Variants in PGM5 observed in about 807,000 individuals in gnomAD.
The protein encoded by PGM5 is phosphoglucomutase-like protein 5.
In PGM5, 23 loss-of-function variants were observed where a neutral mutation model predicts 59.2. The observed-to-expected ratio is 0.39, with a 90% confidence interval of 0.28 to 0.55. The LOEUF is 0.55. PGM5 is among the 20% of genes least tolerant of loss of function. The pLI, the probability that PGM5 is intolerant of heterozygous loss-of-function variation, is 0.66. For missense variants in PGM5, 574 were observed against 748.3 expected, an observed-to-expected ratio of 0.77 and a Z score of 2.72; for synonymous variants, 214 against 286.0, an observed-to-expected ratio of 0.75 and a Z score of 2.54.
intron 9 of PGM5, among the ~76,000 whole-genome samples, chr9:68,485,858 T>G (rs1181105354): frequency 6.6e-6 from 1 of 152,202 alleles, no homozygotes; most frequent in Non-Finnish European, 1.5e-5. Flanking sequence ...TTTGCAGGTC[T>G]GGGTTTAGCT....
intron 6 of PGM5, among the ~76,000 whole-genome samples, chr9:68,455,088 G>A (rs1011810575): frequency 6.6e-6 from 1 of 152,162 alleles, no homozygotes; most frequent in Admixed American, 6.5e-5. Flanking sequence ...TCGTCTTCTC[G>A]GAACCATGCA....
chr9:68,456,905 C>T (rs1014567481), intron 6 of PGM5, among the ~76,000 whole-genome samples: 1 of 152,094 alleles, frequency 6.6e-6, no homozygotes, highest in African/African-American at 2.4e-5. Context: ...TGATTACAGG[C>T]GTGAGCCACT....
At chr9:68,357,948 C>T (rs1380345499) in intron 1 of PGM5, 1 of 163,472 alleles carries the variant, frequency 6.1e-6, no homozygotes, top group East Asian at 1.8e-4. Context: ...CACACACACA[C>T]ACACACACAC....
intron 6 of PGM5, chr9:68,393,879 G>C (rs1290620261): frequency 1.3e-5 from 2 of 152,024 alleles, no homozygotes; most frequent in African/African-American, 4.8e-5. Flanking sequence ...ATCAACAGGA[G>C]ATTGCAAAAA....
At chr9:68,502,941 G>A (rs568646629) in intron 10 of PGM5, among the ~76,000 whole-genome samples, 3 of 152,130 alleles carry the variant, frequency 2.0e-5, no homozygotes, top group East Asian at 1.9e-4. Context: ...CACCCGCCTC[G>A]GCCTCCCAAA....
chr9:68,494,728 C>T (rs570478241), intron 9 of PGM5, among the ~76,000 whole-genome samples: 4 of 152,326 alleles, frequency 2.6e-5, no homozygotes, highest in African/African-American at 4.8e-5. Flanking sequence ...CCAAAACTGG[C>T]CCTTGTCTTA....
chr9:68,407,881 G>C (rs1822851279), intron 6 of PGM5, among the ~76,000 whole-genome samples: 1 of 152,230 alleles, frequency 6.6e-6, no homozygotes, highest in African/African-American at 2.4e-5. Context: ...ACAGAGGAGA[G>C]ATTTGTGAAA....
At chr9:68,500,513 A>C (rs1208190415) in intron 10 of PGM5, among the ~76,000 whole-genome samples, 1 of 152,086 alleles carries the variant, frequency 6.6e-6, no homozygotes, top group Non-Finnish European at 1.5e-5. Context: ...GCAGGTGGCC[A>C]GCATGAAGCC....
At chr9:68,450,797 T>C (rs1383826855) in intron 6 of PGM5, among the ~76,000 whole-genome samples, 1 of 152,222 alleles carries the variant, frequency 6.6e-6, no homozygotes, top group East Asian at 1.9e-4. Context: ...AGTGCTGGGT[T>C]AGTGTGCTGG....
chr9:68,486,466 C>T (rs137916913), intron 9 of PGM5, among the ~76,000 whole-genome samples: 16 of 152,306 alleles, frequency 1.1e-4, no homozygotes, highest in East Asian at 9.6e-4. Flanking sequence ...CCCCTGGCAA[C>T]CCCTGATCTT....
chr9:68,457,269 C>T (rs1049189109), intron 6 of PGM5, among the ~76,000 whole-genome samples: 1 of 152,056 alleles, frequency 6.6e-6, no homozygotes, highest in African/African-American at 2.4e-5. Context: ...AATATTCTGC[C>T]CATTCTTTAT....
intron 6 of PGM5, among the ~76,000 whole-genome samples, chr9:68,418,068 G>C (rs78140182): frequency 0.059 from 8,983 of 152,280 alleles, 898 homozygotes; most frequent in African/African-American, 0.2. Flanking sequence ...AAGAGGCTGA[G>C]CTGCTTTGGG....
At chr9:68,368,331 C>T (rs1232007870) in intron 1 of PGM5, among the ~76,000 whole-genome samples, 6 of 151,206 alleles carry the variant, frequency 4.0e-5, no homozygotes, top group Admixed American at 6.6e-5. Context: ...CAGAAATCTA[C>T]CTTGTAAGAA....
At chr9:68,426,642 G>A (rs1183782191) in intron 6 of PGM5, among the ~76,000 whole-genome samples, 1 of 143,878 alleles carries the variant, frequency 7.0e-6, no homozygotes, top group Non-Finnish European at 1.5e-5. Flanking sequence ...CAATTTCTCT[G>A]GGACTAGTTC....
intron 9 of PGM5, among the ~76,000 whole-genome samples, chr9:68,487,961 G>A (rs1824324332): frequency 6.6e-6 from 1 of 152,106 alleles, no homozygotes; most frequent in Non-Finnish European, 1.5e-5. Context: ...CTGTGAAATA[G>A]GAATAATAAT....
chr9:68,460,250 T>G (rs1554685297), intron 6 of PGM5, among the ~76,000 whole-genome samples: 1 of 152,188 alleles, frequency 6.6e-6, no homozygotes, highest in East Asian at 1.9e-4. Context: ...TCATACATAA[T>G]GATATAGTGC....
At chr9:68,418,063 G>A (rs1017202203) in intron 6 of PGM5, among the ~76,000 whole-genome samples, 2 of 152,164 alleles carry the variant, frequency 1.3e-5, no homozygotes, top group Admixed American at 1.3e-4. Context: ...CTGACAAGAG[G>A]CTGAGCTGCT....
intron 2 of PGM5, among the ~76,000 whole-genome samples, chr9:68,378,582 T>G (rs1218914810): frequency 5.3e-5 from 8 of 152,018 alleles, no homozygotes; most frequent in Admixed American, 3.3e-4. Flanking sequence ...GCATAAACTA[T>G]TGAATAGTTG....
chr9:68,511,588 G>A (rs1188843277), intron 10 of PGM5, among the ~76,000 whole-genome samples: 1 of 99,756 alleles, frequency 1.0e-5, no homozygotes, highest in Non-Finnish European at 1.8e-5. Context: ...GTCTCACTCT[G>A]TCACCAGGCT....
Sources: gnomAD v4.1 joint callset for allele counts (sites outside exome capture counted in the v4.1 genomes callset) on GRCh38, gnomAD v4.1.1 for gene constraint, MANE v1.5 for transcripts, NCBI Gene and HGNC (gene_info 2026-07-23, HGNC 2026-07-21) for gene names.